The following NRXN1 variants were observed in gnomAD, a reference collection of about 807,000 sequenced individuals.
NRXN1 encodes the protein neurexin-1.
In NRXN1, 39 loss-of-function variants were observed where a neutral mutation model predicts 150.9. The observed-to-expected ratio is 0.26, with a 90% confidence interval of 0.20 to 0.34. The LOEUF is 0.34. Among genes scored for constraint, NRXN1 ranks in the 10% least tolerant of loss-of-function variants. The probability of loss-of-function intolerance (pLI) is 1.00; values close to 1 mark genes in which losing one functional copy is unlikely to be tolerated. For synonymous variants in NRXN1, 924 were observed against 757.0 expected (o/e 1.22, Z -3.62); for missense variants, 1,815 against 1,949.9 (o/e 0.93, Z 1.30).
intron 2 of NRXN1, chr2:50,985,235 A>T (rs1231935898): frequency 6.6e-6 from 1 of 151,964 alleles, no homozygotes; most frequent in Non-Finnish European, 1.5e-5. Flanking sequence ...CATGATAGGT[A>T]TTCTCAAACA....
chr2:50,632,828 A>C (rs2104415486), intron 5 of NRXN1: 1 of 152,170 alleles, frequency 6.6e-6, no homozygotes, highest in East Asian at 1.9e-4. Flanking sequence ...GGCGGGCGAA[A>C]GAATCAGAGA....
intron 5 of NRXN1, among the ~76,000 whole-genome samples, chr2:50,640,768 T>C (rs1683965177): frequency 6.6e-6 from 1 of 152,216 alleles, no homozygotes; most frequent in South Asian, 2.1e-4. Context: ...ATTAGCTAAA[T>C]TCAGTTGTTT....
intron 17 of NRXN1, among the ~76,000 whole-genome samples, chr2:50,381,545 AC>A (rs2080969550): frequency 6.6e-6 from 1 of 150,968 alleles, no homozygotes. Context: ...ACACACACAC[AC>A]ACACACACAC....
At chr2:50,382,405 A>T (rs1238322866) in intron 17 of NRXN1, among the ~76,000 whole-genome samples, 1 of 152,182 alleles carries the variant, frequency 6.6e-6, no homozygotes, top group African/African-American at 2.4e-5. Flanking sequence ...ATCTGTCAAG[A>T]CTTTTACAGA....
chr2:50,501,840 C>G (rs2091965756), intron 13 of NRXN1, among the ~76,000 whole-genome samples: 1 of 152,130 alleles, frequency 6.6e-6, no homozygotes, highest in African/African-American at 2.4e-5. Flanking sequence ...TTCCCAAGAA[C>G]AGCTTGAGTA....
At chr2:50,066,151 C>T (rs746674150) in intron 19 of NRXN1, among the ~76,000 whole-genome samples, 6 of 152,042 alleles carry the variant, frequency 3.9e-5, no homozygotes, top group Non-Finnish European at 7.4e-5. Flanking sequence ...TAGTATAGCT[C>T]GGCTAGATGT....
intron 14 of NRXN1, 81 bp downstream of exon 14, chr2:50,497,252 C>G (rs2104917263): frequency 1.8e-6 from 2 of 1,123,054 alleles, no homozygotes; most frequent in East Asian, 2.4e-5. Flanking sequence ...CCAGTATGTT[C>G]TTCTTAGTGT....
chr2:50,692,299 T>A (rs1466774175), intron 5 of NRXN1, among the ~76,000 whole-genome samples: 7 of 152,162 alleles, frequency 4.6e-5, no homozygotes, highest in Non-Finnish European at 8.8e-5. Context: ...TGAGCATCAT[T>A]CCTTTTTTAT....
intron 5 of NRXN1, among the ~76,000 whole-genome samples, chr2:50,687,957 A>G (rs1254527924): frequency 3.3e-5 from 5 of 152,192 alleles, no homozygotes; most frequent in African/African-American, 7.2e-5. Flanking sequence ...CCTCTTCTTC[A>G]TATCGAGATG....
Position 50,070,725 on chromosome 2 carries a change from C to G in NRXN1, c.3719-15681G>C, listed in dbSNP as rs971256332. On this transcript the variant is annotated intron_variant, in intron 19 of 22. Transcript: ENST00000401669. ...GCGGAGCTTGCAGTGAGCCGAGATC[C>G]CGCCACTGCACTCCAGCCTGGGCGA... 3.4e-5 allele frequency among the ~76,000 whole-genome samples: 5 copies of G among 148,774 alleles called. No individual in the cohort carries two copies. In the South Asian group the frequency reaches 8.6e-4, roughly 26 times the overall value.
At chr2:50,485,860 G>C (rs2090833444) in intron 15 of NRXN1, among the ~76,000 whole-genome samples, 1 of 152,326 alleles carries the variant, frequency 6.6e-6, no homozygotes, top group Non-Finnish European at 1.5e-5. Context: ...GATGTGCCTT[G>C]TCAAAAAGCT....
At chr2:50,897,066 A>G (rs1682088298) in intron 5 of NRXN1, among the ~76,000 whole-genome samples, 1 of 152,188 alleles carries the variant, frequency 6.6e-6, no homozygotes, top group African/African-American at 2.4e-5. Flanking sequence ...CATTTTAGCT[A>G]CTATATGGAT....
chr2:50,874,079 T>C (rs1276084472), intron 5 of NRXN1, among the ~76,000 whole-genome samples: 1 of 151,926 alleles, frequency 6.6e-6, no homozygotes, highest in Non-Finnish European at 1.5e-5. Flanking sequence ...TGCTTAAAAA[T>C]TATTTGTTAA....
intron 18 of NRXN1, among the ~76,000 whole-genome samples, chr2:50,178,334 T>A (rs940632901): frequency 1.1e-4 from 17 of 151,954 alleles, no homozygotes; most frequent in African/African-American, 4.1e-4. Flanking sequence ...GGGATAACTT[T>A]AAATTTGGGT....
At chr2:50,736,541 G>T (rs571843616) in intron 5 of NRXN1, among the ~76,000 whole-genome samples, 3 of 152,128 alleles carry the variant, frequency 2.0e-5, no homozygotes, top group African/African-American at 4.8e-5. Flanking sequence ...CCTGGTGAGA[G>T]ATAATTGAAT....
chr2:50,289,203 G>A (rs1290839448), intron 17 of NRXN1, among the ~76,000 whole-genome samples: 1 of 152,106 alleles, frequency 6.6e-6, no homozygotes, highest in African/African-American at 2.4e-5. Context: ...GTGTAAATCT[G>A]TAGAGCCCCA....
chr2:50,618,274 GCTTTCTCCAT>G (rs1267461631), intron 8 of NRXN1, among the ~76,000 whole-genome samples: 1 of 152,042 alleles, frequency 6.6e-6, no homozygotes, highest in Non-Finnish European at 1.5e-5. Flanking sequence ...TACCTGATAT[GCTTTCTCCAT>G]CCCTGCCTGT....
chr2:50,467,430 G>A (rs961115229), intron 16 of NRXN1, among the ~76,000 whole-genome samples: 1 of 151,584 alleles, frequency 6.6e-6, no homozygotes, highest in Non-Finnish European at 1.5e-5. Context: ...ATGTAAAAGA[G>A]AGAGCCTCTG....
At chr2:50,384,273 G>A (rs1233623922) in intron 17 of NRXN1, among the ~76,000 whole-genome samples, 2 of 152,034 alleles carry the variant, frequency 1.3e-5, no homozygotes, top group East Asian at 1.9e-4. Flanking sequence ...TTGGGAGGCT[G>A]AGGCAGGCGG....
Sources: gnomAD v4.1 joint callset for allele counts (sites outside exome capture counted in the v4.1 genomes callset) on GRCh38, gnomAD v4.1.1 for gene constraint, MANE v1.5 for transcripts, NCBI Gene and HGNC (gene_info 2026-07-23, HGNC 2026-07-21) for gene names.